CILK1: variants seen among roughly 807,000 people sequenced by gnomAD.
CILK1 encodes serine/threonine-protein kinase ICK.
CILK1 carries 47 observed loss-of-function variants against 79.2 expected under a neutral mutation model. The observed-to-expected ratio is 0.59, with a 90% confidence interval of 0.47 to 0.76. The LOEUF (loss-of-function observed/expected upper bound fraction) is 0.76. CILK1 is among the 30% of genes least tolerant of loss of function. The probability of loss-of-function intolerance (pLI) is 0.00; values close to 1 mark genes in which losing one functional copy is unlikely to be tolerated. For missense variants in CILK1, 660 were observed against 769.5 expected, an observed-to-expected ratio of 0.86 and a Z score of 1.68; for synonymous variants, 266 against 275.9, an observed-to-expected ratio of 0.96 and a Z score of 0.36.
intron 1 of CILK1, among the ~76,000 whole-genome samples, chr6:53,051,080 G>A (rs1767449462): frequency 6.6e-6 from 1 of 152,136 alleles, no homozygotes; most frequent in Non-Finnish European, 1.5e-5. Context: ...ATGGACACTG[G>A]ATTAAGTTCC....
intron 1 of CILK1, among the ~76,000 whole-genome samples, chr6:53,054,359 C>T (rs1304682405): frequency 6.6e-6 from 1 of 152,208 alleles, no homozygotes; most frequent in East Asian, 1.9e-4. Flanking sequence ...TCATCTTTGT[C>T]TTCTCACTCC....
In CILK1 at chr6:53,059,245, A is replaced by G. The variant is rs566778933; in HGVS notation, c.-173+2351T>C. Among the ~76,000 whole-genome samples the G allele has an allele frequency of 7.2e-5, 11 of 152,242 alleles. No homozygotes were observed. In the East Asian group the frequency reaches 7.7e-4, roughly 11 times the overall value. The stretch of plus-strand genomic sequence containing the variant: ...GAAACTGGGGGGGAGCATTTTCCCT[A>G]TTTTGCACATGAGATTAATAGTAGG... On this transcript the variant is annotated intron_variant, in intron 1 of 13. Coordinates refer to ENST00000676107, the MANE Select transcript of CILK1 (RefSeq NM_014920.5).
Position 53,009,520 on chromosome 6 carries a change from T to C in CILK1, c.1540A>G (p.Ile514Val). ...GAACTAGACCATGGATTAGGTGGAA[T>C]AAATTCCTTGCCTGGATTCGAGAGT... Reference protein sequence around the residue: ...GILSNPGKEFIPPNPWSSSGL... With the variant: ...GILSNPGKEFVPPNPWSSSGL... Residue 514 changes from isoleucine to valine, a missense_variant, in exon 12 of 14, where the codon ATT (isoleucine) becomes GTT (valine). Physicochemically the swap from Ile to Val is conservative, Grantham distance 29. Transcript: ENST00000676107. The C allele has an allele frequency of 6.2e-7, 1 of 1,612,188 alleles. No homozygotes were observed. The highest frequency in any genetic ancestry group is 8.5e-7 in the Non-Finnish European group (1 of 1,178,170).
Position 53,012,082 on chromosome 6 carries a change from A to T in CILK1, c.1298T>A (p.Ile433Asn), listed in dbSNP as rs777788187. Residue 433 changes from isoleucine (I) to asparagine (N), a missense_variant, in exon 10 of 14, where the codon ATT becomes AAT. Transcript: ENST00000676107. ...CTGTCTTTTCTTGTTTTTCAGGTCA[A>T]TCCTGCTGAGGGATGGACTGAAATC... ...DLDFSPSLSR[I>N]DLKNKKRQSD... 1.2e-6 allele frequency: 2 copies of T among 1,614,138 alleles called. No individual in the cohort carries two copies. The highest frequency in any genetic ancestry group is 2.2e-5 in the South Asian group (2 of 91,074).
At chr6:53,048,471 G>GCAC (rs938717433) in intron 1 of CILK1, among the ~76,000 whole-genome samples, 24 of 152,334 alleles carry the variant, frequency 1.6e-4, no homozygotes, top group Non-Finnish European at 2.9e-4. Flanking sequence ...TAGACAAGAA[G>GCAC]CACCAGTCAG....
chr6:53,007,927 A>G (rs1764324812), intron 12 of CILK1, among the ~76,000 whole-genome samples: 1 of 151,962 alleles, frequency 6.6e-6, no homozygotes, highest in South Asian at 2.1e-4. Context: ...GCAACAGAGC[A>G]AGACTGCGTC....
chr6:53,055,968 C>T (rs1185303603), intron 1 of CILK1, among the ~76,000 whole-genome samples: 1 of 152,162 alleles, frequency 6.6e-6, no homozygotes, highest in East Asian at 1.9e-4. Context: ...ATGAAAACTG[C>T]CGAGGGTGGC....
At chr6:53,045,670 G>C (rs1312733393) in intron 1 of CILK1, among the ~76,000 whole-genome samples, 3 of 151,710 alleles carry the variant, frequency 2.0e-5, no homozygotes, top group African/African-American at 7.3e-5. Flanking sequence ...ACTTACAATG[G>C]GTTTATAGGG....
intron 12 of CILK1, 101 bp downstream of exon 12, chr6:53,009,338 C>T: frequency 9.0e-7 from 1 of 1,114,840 alleles, no homozygotes; most frequent in Non-Finnish European, 1.4e-6. Context: ...ATGACAAAGG[C>T]CCCTGTGCTT....
rs1238084100 is a variant in CILK1 at position 53,061,721 on chromosome 6, C to A, written c.-298G>T. On this transcript the variant is annotated 5_prime_UTR_variant, in exon 1 of 14. An upstream open reading frame in the 5' UTR gains an earlier in-frame stop. Transcript: ENST00000676107. ...CCCTGCTAGGACCGGCCGAGGGCTCCGTACAGGGACGCCCGCGAGGTCCGG... is the reference window on the plus strand; with the variant it reads ...CCCTGCTAGGACCGGCCGAGGGCTCAGTACAGGGACGCCCGCGAGGTCCGG... 5 of 152,268 alleles carry A rather than the reference C, an allele frequency of 3.3e-5. No individual in the cohort carries two copies. Among genetic ancestry groups the A allele is most frequent in the Non-Finnish European group, 7.3e-5 (5 of 68,058 alleles). The allele number at this position is 152,268 out of a possible 1,614,324, so 9.4% of individuals were successfully genotyped here.
chr6:53,017,475 A>C (rs965026299), intron 7 of CILK1, among the ~76,000 whole-genome samples: 2 of 152,238 alleles, frequency 1.3e-5, no homozygotes, highest in Non-Finnish European at 2.9e-5. Context: ...ATTTCAGGGC[A>C]TGCAGCTGTT....
In CILK1 at chr6:53,012,047, T is replaced by C. The variant is rs747960740; in HGVS notation, c.1333A>G (p.Thr445Ala). 6.2e-7 allele frequency: 1 copy of C among 1,614,048 alleles called. No individual in the cohort carries two copies. The change falls in exon 10 of 14, where the codon ACT becomes GCT. Residue 445 changes from threonine (T) to alanine (A), a missense_variant. Thr to Ala is a moderately conservative substitution (Grantham distance 58, BLOSUM62 0). Coordinates refer to ENST00000676107, the MANE Select transcript of CILK1 (RefSeq NM_014920.5). ...LKNKKRQSDD[T>A]LCRFESVLDL... ...GAGCAGCACACTTGCCTGCAGAGAG[T>C]GTCATCACTCTGTCTTTTCTTGTTT... is the stretch of plus-strand genomic sequence containing the variant.
intron 5 of CILK1, among the ~76,000 whole-genome samples, chr6:53,021,746 C>T (rs1166599601): frequency 3.3e-5 from 5 of 150,494 alleles, no homozygotes; most frequent in Non-Finnish European, 7.4e-5. Context: ...CTAGTATTCA[C>T]TATACTATAC....
At position 53,061,739 on chromosome 6, in the gene CILK1, AG is replaced by A. The variant is rs1768485156; in HGVS notation, c.-317del. On this transcript the variant is annotated 5_prime_UTR_variant, in exon 1 of 14. An upstream open reading frame in the 5' UTR loses its in-frame stop. Transcript: ENST00000676107. ...AGGGCTCCGTACAGGGACGCCCGCG[AG>A]GTCCGGCGAGTCGCACGGGCCGCAC... The A allele has an allele frequency of 6.6e-6, 1 of 152,244 alleles. No individual in the cohort carries two copies. The highest frequency in any genetic ancestry group is 2.4e-5 in the African/African-American group (1 of 41,458). The allele number at this position is 152,244 out of a possible 1,614,324, so 9.4% of individuals were successfully genotyped here. A position where few individuals can be genotyped will look rare whatever the true frequency, so the allele number is the denominator to read the frequency against.
intron 5 of CILK1, among the ~76,000 whole-genome samples, chr6:53,025,102 G>A (rs998408373): frequency 1.3e-5 from 2 of 152,124 alleles, no homozygotes; most frequent in African/African-American, 2.4e-5. Context: ...CAAAGTGCTA[G>A]GATTACAGGC....
chr6:53,013,623 A>T, intron 9 of CILK1, 39 bp downstream of exon 9: 1 of 1,581,318 alleles, frequency 6.3e-7, no homozygotes, highest in Non-Finnish European at 8.7e-7. Context: ...AAGAGGAATA[A>T]ACAGACACGA....
intron 7 of CILK1, among the ~76,000 whole-genome samples, chr6:53,016,972 T>C (rs1764927335): frequency 6.6e-6 from 1 of 152,246 alleles, no homozygotes; most frequent in African/African-American, 2.4e-5. Context: ...ATGCCTACTA[T>C]ATGCTTAGTG....
chr6:53,013,631 C>T lies in CILK1; in HGVS notation c.1152+31G>A, dbSNP rs202232909. The T allele has an allele frequency of 5.2e-4, 826 of 1,599,716 alleles. 1 individual carries two copies. The highest frequency in any genetic ancestry group is 6.9e-4 in the Non-Finnish European group (800 of 1,167,216). The stretch of plus-strand genomic sequence containing the variant: ...GGGTCAGAAGAGGAATAAACAGACA[C>T]GAAGCTCACTGGTGAATCTGGGCTG... On this transcript the variant is annotated intron_variant, in intron 9 of 13. Transcript: ENST00000676107.
At chr6:53,052,945 T>A (rs1478478838) in intron 1 of CILK1, among the ~76,000 whole-genome samples, 2 of 151,892 alleles carry the variant, frequency 1.3e-5, no homozygotes, top group Non-Finnish European at 2.9e-5. Flanking sequence ...GCCATTTTTT[T>A]TTTTTAGCTG....
Sources: allele counts gnomAD v4.1 joint callset (sites outside exome capture counted in the v4.1 genomes callset), GRCh38; gene constraint gnomAD v4.1.1; transcripts MANE v1.5; gene names NCBI Gene and HGNC (gene_info 2026-07-23, HGNC 2026-07-21).